The following PPP1R12B variants were observed in gnomAD, a reference collection of about 807,000 sequenced individuals.
PPP1R12B encodes the protein myosin phosphatase target subunit 2.
A neutral mutation model predicts 126.1 loss-of-function variants in PPP1R12B; 76 were observed. The ratio of observed to expected loss-of-function variants is 0.60; its 90% CI spans 0.50 to 0.73. PPP1R12B has a LOEUF of 0.73. Ranked by LOEUF, PPP1R12B falls within the 30% of genes least tolerant of loss-of-function variation. The pLI is 0.00. For missense variants in PPP1R12B, 1,052 were observed against 1,205.1 expected, an observed-to-expected ratio of 0.87 and a Z score of 1.88; for synonymous variants, 356 against 434.7, an observed-to-expected ratio of 0.82 and a Z score of 2.25.
chr1:202,383,251 C>T (rs1212552977), intron 1 of PPP1R12B, among the ~76,000 whole-genome samples: 2 of 152,194 alleles, frequency 1.3e-5, no homozygotes. Flanking sequence ...TGACCAACTT[C>T]ATATAAGGTT....
At chr1:202,471,461 G>A (rs944821397) in intron 13 of PPP1R12B, among the ~76,000 whole-genome samples, 1 of 151,506 alleles carries the variant, frequency 6.6e-6, no homozygotes, top group African/African-American at 2.4e-5. Context: ...TGGAATTTCC[G>A]GGTCTATAGG....
At chr1:202,430,692 C>T in intron 6 of PPP1R12B, 39 bp from the exon 7 acceptor site, 1 of 1,604,950 alleles carries the variant, frequency 6.2e-7, no homozygotes, top group South Asian at 1.1e-5. Flanking sequence ...CACCAATAGT[C>T]AACTTCTTCC....
intron 1 of PPP1R12B, among the ~76,000 whole-genome samples, chr1:202,398,442 G>T (rs1190393627): frequency 1.3e-5 from 2 of 152,106 alleles, no homozygotes; most frequent in Non-Finnish European, 2.9e-5. Flanking sequence ...AACTCTCTTC[G>T]TTATTATAGC....
At chr1:202,462,893 C>T (rs1674498592) in intron 13 of PPP1R12B, 1 of 985,228 alleles carries the variant, frequency 1.0e-6, no homozygotes, top group South Asian at 4.7e-5. Context: ...CCTGCTTTCA[C>T]CTGGAATGAT....
At chr1:202,374,945 CTTTTCTTT>C (rs879773582) in intron 1 of PPP1R12B, among the ~76,000 whole-genome samples, 62 of 152,176 alleles carry the variant, frequency 4.1e-4, no homozygotes, top group South Asian at 3.5e-3. Flanking sequence ...CTATTTTCTT[CTTTTCTTT>C]TTTTCTTTAG....
chr1:202,513,650 C>T (rs761969214), intron 18 of PPP1R12B, among the ~76,000 whole-genome samples: 1 of 152,118 alleles, frequency 6.6e-6, no homozygotes, highest in Non-Finnish European at 1.5e-5. Flanking sequence ...GCAGTGATTC[C>T]CAACTTCTTT....
intron 18 of PPP1R12B, among the ~76,000 whole-genome samples, chr1:202,539,616 A>G (rs1684901257): frequency 6.6e-6 from 1 of 152,192 alleles, no homozygotes; most frequent in Non-Finnish European, 1.5e-5. Flanking sequence ...CAAATGCCTT[A>G]CAGCCCAGTG....
In PPP1R12B at chr1:202,356,948, A is replaced by G. The variant is rs185447409; in HGVS notation, c.291+7806A>G. Among the ~76,000 whole-genome samples, 372 of 151,140 alleles carry G rather than the reference A, an allele frequency of 2.5e-3. 3 individuals are homozygous for G. The highest frequency in any genetic ancestry group is 8.8e-3 in the African/African-American group (360 of 41,000). On this transcript the variant is annotated intron_variant, in intron 1 of 23. Coordinates refer to ENST00000608999, the MANE Select transcript of PPP1R12B (RefSeq NM_002481.4). ...GCGATTCTCCTGCCTCAGCCTCCTT[A>G]TTAGCTGGGATTACAGGCGCCCACC... is the stretch of plus-strand genomic sequence containing the variant.
At chr1:202,373,791 T>C (rs1225665214) in intron 1 of PPP1R12B, among the ~76,000 whole-genome samples, 4 of 152,128 alleles carry the variant, frequency 2.6e-5, no homozygotes, top group Non-Finnish European at 5.9e-5. Context: ...AAAATCCCCT[T>C]TTTATTGCAA....
At chr1:202,376,519 G>T (rs528504187) in intron 1 of PPP1R12B, among the ~76,000 whole-genome samples, 3 of 152,298 alleles carry the variant, frequency 2.0e-5, no homozygotes, top group East Asian at 1.9e-4. Flanking sequence ...AAATTGAATG[G>T]ATGGATAGAA....
At chr1:202,388,352 T>G (rs1342128070) in intron 1 of PPP1R12B, among the ~76,000 whole-genome samples, 1 of 151,888 alleles carries the variant, frequency 6.6e-6, no homozygotes, top group Non-Finnish European at 1.5e-5. Flanking sequence ...AATTTTTGTA[T>G]TTTAGTAGAG....
At chr1:202,498,771 A>G (rs1679861747) in intron 18 of PPP1R12B, among the ~76,000 whole-genome samples, 2 of 152,186 alleles carry the variant, frequency 1.3e-5, no homozygotes, top group Admixed American at 1.3e-4. Flanking sequence ...GCAACAACAA[A>G]TGAGCCAGTT....
At chr1:202,557,821 C>A (rs1179592752) in intron 18 of PPP1R12B, among the ~76,000 whole-genome samples, 1 of 152,158 alleles carries the variant, frequency 6.6e-6, no homozygotes, top group Admixed American at 6.5e-5. Context: ...ATCAAGGTGA[C>A]TCTATTCAGT....
chr1:202,427,023 T>G lies in PPP1R12B; in HGVS notation c.702-17T>G. On this transcript the variant is annotated splice_polypyrimidine_tract_variant and intron_variant, in intron 4 of 23. Coordinates refer to ENST00000608999, the MANE Select transcript of PPP1R12B (RefSeq NM_002481.4). ...ATATACAGAAGATATATGTCTTGTT[T>G]TGGGTTTTCTTTTTAGACTTTTAAT... 6.2e-7 allele frequency: 1 copy of G among 1,606,862 alleles called. No individual in the cohort carries two copies. Among genetic ancestry groups the G allele is most frequent in the Non-Finnish European group, 8.5e-7 (1 of 1,177,962 alleles).
Position 202,434,848 on chromosome 1 carries a change from A to G in PPP1R12B, c.1254+80A>G, listed in dbSNP as rs933549404. 8 of 1,562,016 alleles carry G rather than the reference A, an allele frequency of 5.1e-6. No individual in the cohort carries two copies. The African/African-American group carries it at 5.6e-5, about 11-fold the overall frequency. On this transcript the variant is annotated intron_variant, in intron 9 of 23. Coordinates refer to ENST00000608999, the MANE Select transcript of PPP1R12B (RefSeq NM_002481.4). ...ACATCTAGAAAGGCCTTAAAGGTACATTCTTGCAAAATAATAAAAATACAT... is the reference window on the plus strand; with the variant it reads ...ACATCTAGAAAGGCCTTAAAGGTACGTTCTTGCAAAATAATAAAAATACAT...
intron 23 of PPP1R12B, among the ~76,000 whole-genome samples, chr1:202,570,490 TTA>T (rs1363508418): frequency 6.6e-6 from 1 of 152,170 alleles, no homozygotes; most frequent in African/African-American, 2.4e-5. Context: ...CAATACCTGC[TTA>T]TATCTCAAAC....
chr1:202,411,654 A>C (rs1667411086), intron 1 of PPP1R12B, among the ~76,000 whole-genome samples: 1 of 152,084 alleles, frequency 6.6e-6, no homozygotes, highest in Non-Finnish European at 1.5e-5. Flanking sequence ...ACAACAACAA[A>C]GTCAGGAACA....
intron 4 of PPP1R12B, among the ~76,000 whole-genome samples, chr1:202,426,064 G>A (rs547112902): frequency 1.1e-4 from 17 of 152,198 alleles, no homozygotes; most frequent in Admixed American, 4.6e-4. Flanking sequence ...CATTTGTTCC[G>A]TTTTGACTTA....
chr1:202,360,127 C>T (rs1041924151), intron 1 of PPP1R12B, among the ~76,000 whole-genome samples: 3 of 152,104 alleles, frequency 2.0e-5, no homozygotes, highest in African/African-American at 4.8e-5. Flanking sequence ...TTTTGTCCCA[C>T]GTGTTTTCTA....
Sources: allele counts gnomAD v4.1 joint callset (sites outside exome capture counted in the v4.1 genomes callset), GRCh38; gene constraint gnomAD v4.1.1; transcripts MANE v1.5; gene names NCBI Gene and HGNC (gene_info 2026-07-23, HGNC 2026-07-21).